Variants in GATAD2A observed in about 807,000 individuals in gnomAD.
The protein encoded by GATAD2A is GATA zinc finger domain containing 2A.
GATAD2A carries 12 observed loss-of-function variants against 68.5 expected under a neutral mutation model. The ratio of observed to expected loss-of-function variants is 0.18; its 90% CI spans 0.11 to 0.28. GATAD2A has a LOEUF of 0.28. Among genes scored for constraint, GATAD2A ranks in the 10% least tolerant of loss-of-function variants. The pLI is 1.00. For missense variants in GATAD2A, 755 were observed against 868.5 expected (o/e 0.87, Z 1.64); for synonymous variants, 410 against 375.3 (o/e 1.09, Z -1.07).
intron 2 of GATAD2A, among the ~76,000 whole-genome samples, chr19:19,478,629 A>G (rs1345879317): frequency 1.3e-5 from 2 of 151,942 alleles, no homozygotes; most frequent in Non-Finnish European, 2.9e-5. Context: ...CCTGGGCAAC[A>G]TAGCAAAAGT....
chr19:19,390,381 G>A (rs746603137), intron 1 of GATAD2A, among the ~76,000 whole-genome samples: 1 of 152,024 alleles, frequency 6.6e-6, no homozygotes, highest in African/African-American at 2.4e-5. Flanking sequence ...GCTGCTTGTT[G>A]TATTCCTGGC....
intron 2 of GATAD2A, among the ~76,000 whole-genome samples, chr19:19,468,739 G>A (rs892743507): frequency 1.3e-5 from 2 of 152,168 alleles, no homozygotes; most frequent in Non-Finnish European, 2.9e-5. Flanking sequence ...AAGCAAAAAA[G>A]ACATTGTCAG....
intron 1 of GATAD2A, among the ~76,000 whole-genome samples, chr19:19,417,945 C>T (rs746228225): frequency 4.6e-5 from 7 of 152,068 alleles, no homozygotes; most frequent in Non-Finnish European, 7.4e-5. Flanking sequence ...TCCTGCCTTC[C>T]GGGGTCTTAG....
chr19:19,470,292 G>A (rs1157967624), intron 2 of GATAD2A, among the ~76,000 whole-genome samples: 3 of 151,696 alleles, frequency 2.0e-5, no homozygotes, highest in African/African-American at 4.8e-5. Context: ...CCGCCACCAC[G>A]CCCAGCTAAT....
chr19:19,490,775 C>T (rs545102001), intron 2 of GATAD2A, among the ~76,000 whole-genome samples: 38 of 152,276 alleles, frequency 2.5e-4, no homozygotes, highest in Middle Eastern at 6.8e-3. Flanking sequence ...AATCCAGCTA[C>T]TCAGGAGGCT....
chr19:19,432,597 C>G (rs573405141), intron 1 of GATAD2A, among the ~76,000 whole-genome samples: 1 of 152,304 alleles, frequency 6.6e-6, no homozygotes, highest in East Asian at 1.9e-4. Flanking sequence ...CTACCGTGTT[C>G]GGCTGACAGT....
intron 1 of GATAD2A, among the ~76,000 whole-genome samples, chr19:19,446,079 T>C (rs2055680176): frequency 6.6e-6 from 1 of 152,226 alleles, no homozygotes; most frequent in African/African-American, 2.4e-5. Flanking sequence ...TTCCACTGTT[T>C]TCCACGTCAC....
intron 1 of GATAD2A, among the ~76,000 whole-genome samples, chr19:19,415,618 ATT>A (rs71170682): frequency 1.5e-4 from 18 of 118,008 alleles, no homozygotes; most frequent in African/African-American, 1.4e-4. Context: ...CCGGGCTAAT[ATT>A]TTTTTTTTTT....
intron 2 of GATAD2A, among the ~76,000 whole-genome samples, chr19:19,486,969 C>T (rs983370067): frequency 6.6e-6 from 1 of 152,190 alleles, no homozygotes; most frequent in Admixed American, 6.5e-5. Flanking sequence ...CCTGACTTGC[C>T]GGCAGTCGTT....
At chr19:19,443,647 G>A (rs1387225137) in intron 1 of GATAD2A, among the ~76,000 whole-genome samples, 1 of 152,134 alleles carries the variant, frequency 6.6e-6, no homozygotes, top group Non-Finnish European at 1.5e-5. Flanking sequence ...CGATGGCCGT[G>A]GACCTGGGTG....
Position 19,492,675 on chromosome 19 carries a change from G to A in GATAD2A, c.497G>A (p.Arg166Gln), listed in dbSNP as rs763263095. The A allele has an allele frequency of 3.1e-6, 5 of 1,614,012 alleles. No homozygotes were observed. Among genetic ancestry groups the A allele is most frequent in the East Asian group, 2.2e-5 (1 of 44,894 alleles). ...AAACTCGTGTTGTTGAAAAAGTTGC[G>A]GCAGAGTCAAATACAAAAGGAAGCC... ...EAKLVLLKKL[R>Q]QSQIQKEATA... Residue 166 changes from arginine (R) to glutamine (Q), a missense_variant, in exon 4 of 12, where the codon CGG becomes CAG. Arg to Gln is a conservative substitution (Grantham distance 43). Coordinates refer to ENST00000683918, the MANE Select transcript of GATAD2A (RefSeq NM_001384528.1).
chr19:19,480,294 G>T (rs1484452289), intron 2 of GATAD2A, among the ~76,000 whole-genome samples: 1 of 152,150 alleles, frequency 6.6e-6, no homozygotes, highest in African/African-American at 2.4e-5. Flanking sequence ...TTATAGAGAC[G>T]TTTCAGATAC....
rs559411914 is a variant in GATAD2A at position 19,470,242 on chromosome 19, C to A, written c.269+4628C>A. Reference sequence around the variant, plus strand: ...CTCCACCTCGTGGGTTTCAGTGATTCTCCTGCCTCAGCCTCTTGAGTAGCT... The same window carrying A: ...CTCCACCTCGTGGGTTTCAGTGATTATCCTGCCTCAGCCTCTTGAGTAGCT... On this transcript the variant is annotated intron_variant, in intron 2 of 11. Coordinates refer to ENST00000683918, the MANE Select transcript of GATAD2A (RefSeq NM_001384528.1). 6.7e-3 allele frequency among the ~76,000 whole-genome samples: 969 copies of A among 145,542 alleles called. 7 individuals carry two copies. Among genetic ancestry groups the A allele is most frequent in the Non-Finnish European group, 0.01 (679 of 67,106 alleles).
At chr19:19,475,073 G>T (rs182411731) in intron 2 of GATAD2A, among the ~76,000 whole-genome samples, 21 of 152,364 alleles carry the variant, frequency 1.4e-4, no homozygotes, top group Non-Finnish European at 2.8e-4. Context: ...GCCTGCATAC[G>T]GGTGGAGGGG....
At chr19:19,502,083 C>G (rs1434601996) in intron 10 of GATAD2A, 40 bp downstream of exon 10, 24 of 1,467,084 alleles carry the variant, frequency 1.6e-5, no homozygotes, top group Non-Finnish European at 2.2e-5. Flanking sequence ...CGCGCCCCCA[C>G]CGCAGCCCGT....
rs544439905 is a variant in GATAD2A, at chr19:19,505,887, G to A, written c.*413G>A. On this transcript the variant is annotated 3_prime_UTR_variant, in exon 12 of 12. Transcript: ENST00000683918. ...GGCCAGCGCCCGGGGCTTCTGAACC[G>A]AGCGGGGTGTTTCATTTTTTTGCTT... is the stretch of plus-strand genomic sequence containing the variant. The A allele has an allele frequency of 1.8e-5, 7 of 399,020 alleles. No individual in the cohort carries two copies. The highest frequency in any genetic ancestry group is 1.4e-4 in the East Asian group (4 of 28,074). 24.7% of individuals were successfully genotyped at this position (399,020 alleles called of 1,614,324 possible).
chr19:19,446,144 A>G (rs2055692075), intron 1 of GATAD2A, among the ~76,000 whole-genome samples: 1 of 152,144 alleles, frequency 6.6e-6, no homozygotes, highest in Non-Finnish European at 1.5e-5. Context: ...TTTACTTTGC[A>G]CTATGCAGTG....
chr19:19,454,850 G>A (rs768073593), intron 1 of GATAD2A, among the ~76,000 whole-genome samples: 4 of 151,918 alleles, frequency 2.6e-5, no homozygotes, highest in African/African-American at 4.8e-5. Flanking sequence ...TTAGAGGACC[G>A]TCGAGGTGTA....
chr19:19,446,176 A>G (rs1192646166), intron 1 of GATAD2A, among the ~76,000 whole-genome samples: 1 of 152,160 alleles, frequency 6.6e-6, no homozygotes, highest in Admixed American at 6.5e-5. Flanking sequence ...CAATTTCTCT[A>G]CATCCTTACC....
Sources: gnomAD v4.1 joint callset for allele counts (sites outside exome capture counted in the v4.1 genomes callset) on GRCh38, gnomAD v4.1.1 for gene constraint, MANE v1.5 for transcripts, NCBI Gene and HGNC (gene_info 2026-07-23, HGNC 2026-07-21) for gene names.